Variants in PCDHGB1 observed in about 807,000 individuals in gnomAD.
PCDHGB1 encodes the protein protocadherin gamma subfamily B, 1.
PCDHGB1 carries 34 observed loss-of-function variants against 56.6 expected under a neutral mutation model. The observed-to-expected ratio is 0.60, with a 90% CI of 0.46 to 0.80. The LOEUF (loss-of-function observed/expected upper bound fraction) is 0.80. Among genes scored for constraint, PCDHGB1 ranks in the 30% least tolerant of loss-of-function variants. The probability of loss-of-function intolerance (pLI) is 0.00; values close to 1 mark genes in which losing one functional copy is unlikely to be tolerated. For missense variants in PCDHGB1, 1,278 were observed against 1,204.6 expected, an observed-to-expected ratio of 1.06 and a Z score of -0.90; for synonymous variants, 561 against 505.9, an observed-to-expected ratio of 1.11 and a Z score of -1.46.
At chr5:141,370,334 T>C in intron 1 of PCDHGB1, 3 of 1,443,302 alleles carry the variant, frequency 2.1e-6, no homozygotes, top group Non-Finnish European at 2.8e-6. Context: ...CGGAGAACTC[T>C]TGGGATTATT....
At chr5:141,428,058 G>A (rs752468507) in intron 1 of PCDHGB1, 4 of 1,609,140 alleles carry the variant, frequency 2.5e-6, no homozygotes, top group South Asian at 1.1e-5. Flanking sequence ...GGTGGTGGCG[G>A]TGGACGCAGA....
chr5:141,494,671 C>T, intron 1 of PCDHGB1, 136 bp from the exon 2 acceptor site: 1 of 1,532,340 alleles, frequency 6.5e-7, no homozygotes, highest in East Asian at 2.4e-5. Context: ...GAGATGAGTC[C>T]ACCCCTGCCC....
rs764987054 is a variant in PCDHGB1, at chr5:141,372,683, C to G, written c.2409+20014C>G. 9 of 1,613,826 alleles carry G rather than the reference C, an allele frequency of 5.6e-6. No homozygotes were observed. In the East Asian group the frequency reaches 1.8e-4, roughly 32 times the overall value. On this transcript the variant is annotated intron_variant, in intron 1 of 3. Transcript: ENST00000523390. ...GTGCTGCCTCACATTCCTCAAACACCGAGTTTAAATTTCTCAATATAAAGG... is the reference window on the plus strand; with the variant it reads ...GTGCTGCCTCACATTCCTCAAACACGGAGTTTAAATTTCTCAATATAAAGG...
At chr5:141,420,223 G>A in intron 1 of PCDHGB1, 2 of 1,604,640 alleles carry the variant, frequency 1.2e-6, no homozygotes, top group Non-Finnish European at 1.7e-6. Context: ...GCATGCTACT[G>A]GCTAGCATTT....
chr5:141,379,889 C>CTTTTTTTTTTTGTTTT (rs1775949907), intron 1 of PCDHGB1, among the ~76,000 whole-genome samples: 1 of 50,830 alleles, frequency 2.0e-5, no homozygotes, highest in Non-Finnish European at 3.9e-5. Flanking sequence ...GTGAAAGCCT[C>CTTTTTTTTTTTGTTTT]TTTTTTTTTT....
At chr5:141,410,418 T>C (rs2095390746) in intron 1 of PCDHGB1, 26 of 1,614,052 alleles carry the variant, frequency 1.6e-5, no homozygotes, top group Non-Finnish European at 2.2e-5. Context: ...GGACCTGTAG[T>C]TCCCCCCAAC....
intron 1 of PCDHGB1, chr5:141,414,532 C>T (rs747661760): frequency 1.9e-6 from 3 of 1,613,930 alleles, no homozygotes; most frequent in Admixed American, 3.3e-5. Flanking sequence ...CAATGACAAC[C>T]CACCTACCTT....
chr5:141,449,537 C>T (rs1377909573), intron 1 of PCDHGB1, among the ~76,000 whole-genome samples: 1 of 146,330 alleles, frequency 6.8e-6, no homozygotes, highest in Non-Finnish European at 1.5e-5. Flanking sequence ...TGCAGTGAGC[C>T]GAGATCGCAC....
chr5:141,384,053 C>T (rs1329974843), intron 1 of PCDHGB1: 1 of 1,610,750 alleles, frequency 6.2e-7, no homozygotes, highest in Non-Finnish European at 8.5e-7. Context: ...GTGACCTGCA[C>T]CATTCCAGAA....
chr5:141,375,166 T>A (rs1179986488), intron 1 of PCDHGB1: 2 of 1,613,966 alleles, frequency 1.2e-6, no homozygotes, highest in East Asian at 2.2e-5. Flanking sequence ...AAAGTGCACC[T>A]CCAGGAACAG....
chr5:141,469,581 A>G (rs543624370), intron 1 of PCDHGB1, among the ~76,000 whole-genome samples: 1 of 152,340 alleles, frequency 6.6e-6, no homozygotes, highest in Admixed American at 6.5e-5. Flanking sequence ...CTCTAAATAA[A>G]TAAATAAATA....
intron 2 of PCDHGB1, among the ~76,000 whole-genome samples, chr5:141,498,971 G>GGAA (rs2099787559): frequency 9.0e-6 from 1 of 110,972 alleles, no homozygotes; most frequent in African/African-American, 3.6e-5. Flanking sequence ...GAGGGAGGGA[G>GGAA]GGAAGGAAGG....
In PCDHGB1 at chr5:141,493,664, G is replaced by A. The variant is rs2099749444; in HGVS notation, c.2410-1143G>A. Reference sequence around the variant, plus strand: ...TGGCCATCCCTGTGCCCTTCTCCATGGCAGCCCCAGAATGGTGCTGGTGAC... The same window carrying A: ...TGGCCATCCCTGTGCCCTTCTCCATAGCAGCCCCAGAATGGTGCTGGTGAC... On this transcript the variant is annotated intron_variant, in intron 1 of 3. Coordinates refer to ENST00000523390, the MANE Select transcript of PCDHGB1 (RefSeq NM_018922.3). This position sits in a 1 kb window ranked among gnomAD's most constrained non-coding sequence, Gnocchi z 4.3. Among the ~76,000 whole-genome samples, 1 of 152,136 alleles carries A rather than the reference G, an allele frequency of 6.6e-6. No homozygotes were observed. Among genetic ancestry groups the A allele is most frequent in the Non-Finnish European group, 1.5e-5 (1 of 68,026 alleles).
chr5:141,407,954 G>A, intron 1 of PCDHGB1: 1 of 640,866 alleles, frequency 1.6e-6, no homozygotes, highest in East Asian at 3.0e-5. Flanking sequence ...GTCGGCCAGT[G>A]CAGAGCAAGC....
chr5:141,430,619 A>G lies in PCDHGB1; in HGVS notation c.2410-64188A>G, dbSNP rs192473783. ...CGCCTGAAGCACAAAGCAGATAGCT[A>G]GGAATGAACCATCCCTGGGAGTATG... On this transcript the variant is annotated intron_variant, in intron 1 of 3. Coordinates refer to ENST00000523390, the MANE Select transcript of PCDHGB1 (RefSeq NM_018922.3). 9.4e-5 allele frequency: 68 copies of G among 720,190 alleles called. 1 individual carries two copies. The African/African-American group carries it at 1.1e-3, about 12-fold the overall frequency. 44.6% of individuals were successfully genotyped at this position (720,190 alleles called of 1,614,324 possible). A position where few individuals can be genotyped will look rare whatever the true frequency, so the allele number is the denominator to read the frequency against.
rs770630741 is a variant in PCDHGB1, at chr5:141,381,826, C to CTTTTTT, written c.2409+29174_2409+29179dup. Among the ~76,000 whole-genome samples, 197 of 74,234 alleles carry CTTTTTT rather than the reference C, an allele frequency of 2.7e-3. 2 individuals carry two copies. Among genetic ancestry groups the CTTTTTT allele is most frequent in the African/African-American group, 3.6e-3 (59 of 16,186 alleles). The allele number at this position is 74,234 out of a possible 152,430, so 48.7% of individuals were successfully genotyped here. A position where few individuals can be genotyped will look rare whatever the true frequency, so the allele number is the denominator to read the frequency against. On this transcript the variant is annotated intron_variant, in intron 1 of 3. Coordinates refer to ENST00000523390, the MANE Select transcript of PCDHGB1 (RefSeq NM_018922.3). ...TTTCTTTCTTTCTTTCTTTCTTCTT[C>CTTTTTT]TTTTTTTTTTTTTTTTTTTTTTGGC...
At chr5:141,466,898 A>G (rs1029507733) in intron 1 of PCDHGB1, among the ~76,000 whole-genome samples, 1 of 152,170 alleles carries the variant, frequency 6.6e-6, no homozygotes, top group African/African-American at 2.4e-5. Context: ...TTTTCCATGA[A>G]GTTTTTGAAA....
In PCDHGB1 at chr5:141,476,707, G is replaced by A. The variant is rs1309848893; in HGVS notation, c.2410-18100G>A. 6.2e-7 allele frequency: 1 copy of A among 1,614,206 alleles called. No individual in the cohort carries two copies. The highest frequency in any genetic ancestry group is 1.7e-5 in the Admixed American group (1 of 60,032). On this transcript the variant is annotated intron_variant, in intron 1 of 3. Coordinates refer to ENST00000523390, the MANE Select transcript of PCDHGB1 (RefSeq NM_018922.3). This position sits in a 1 kb window ranked among gnomAD's most constrained non-coding sequence, Gnocchi z 7.6. ...ACAGCACCAAGTACGCGGAGCTGGT[G>A]TTGGAGCGCGCCCTGGACCGAGAAC...
In PCDHGB1 at chr5:141,432,143, C is replaced by G; in HGVS notation, c.2410-62664C>G. 2 of 1,614,084 alleles carry G rather than the reference C, an allele frequency of 1.2e-6. No homozygotes were observed. Among genetic ancestry groups the G allele is most frequent in the Non-Finnish European group, 1.7e-6 (2 of 1,180,006 alleles). Reference sequence around the variant, plus strand: ...TCAGGCCTCCTATTCCGCTTATATCCCAGAGAACAATCCCAGAGGAGTTTC... The same window carrying G: ...TCAGGCCTCCTATTCCGCTTATATCGCAGAGAACAATCCCAGAGGAGTTTC... On this transcript the variant is annotated intron_variant, in intron 1 of 3. Coordinates refer to ENST00000523390, the MANE Select transcript of PCDHGB1 (RefSeq NM_018922.3). This position sits in a 1 kb window ranked among gnomAD's most constrained non-coding sequence, Gnocchi z 6.0.
Sources: gnomAD v4.1 joint callset for allele counts (sites outside exome capture counted in the v4.1 genomes callset) on GRCh38, gnomAD v4.1.1 for gene constraint, Gnocchi (gnomAD v3.1) non-coding constraint, MANE v1.5 for transcripts, NCBI Gene and HGNC (gene_info 2026-07-23, HGNC 2026-07-21) for gene names.